The following CNTN1 variants were observed in gnomAD, a reference collection of about 807,000 sequenced individuals.
CNTN1 encodes contactin-1.
Under a neutral mutation model 126.4 loss-of-function variants are expected in CNTN1, and 38 were observed. The observed-to-expected ratio is 0.30, with a 90% CI of 0.23 to 0.39. The LOEUF (loss-of-function observed/expected upper bound fraction) is 0.39. Among genes scored for constraint, CNTN1 ranks in the 10% least tolerant of loss-of-function variants. CNTN1 has a pLI of 1.00. For synonymous variants in CNTN1, 413 were observed against 422.6 expected (o/e 0.98, Z 0.28); for missense variants, 1,009 against 1,248.4 (o/e 0.81, Z 2.89).
intron 1 of CNTN1, among the ~76,000 whole-genome samples, chr12:40,709,929 CACTA>C (rs1165112741): frequency 6.6e-6 from 1 of 152,162 alleles, no homozygotes; most frequent in Non-Finnish European, 1.5e-5. Flanking sequence ...TTTGTGTGTA[CACTA>C]AAGTAGTACT....
At chr12:41,019,618 G>A (rs1195320969) in intron 19 of CNTN1, among the ~76,000 whole-genome samples, 2 of 152,108 alleles carry the variant, frequency 1.3e-5, no homozygotes, top group African/African-American at 2.4e-5. Context: ...AATTTCATAA[G>A]GGATGTCAGT....
chr12:41,008,245 C>T (rs900495459), intron 17 of CNTN1, among the ~76,000 whole-genome samples: 4 of 151,986 alleles, frequency 2.6e-5, no homozygotes, highest in African/African-American at 4.8e-5. Flanking sequence ...AATGTTAGTT[C>T]GAATATGACT....
chr12:41,046,086 T>C (rs541959751), intron 23 of CNTN1, among the ~76,000 whole-genome samples: 34 of 152,208 alleles, frequency 2.2e-4, no homozygotes, highest in African/African-American at 8.2e-4. Flanking sequence ...TGCCTGAAAG[T>C]TGTGAATCTT....
At position 40,911,468 on chromosome 12, in the gene CNTN1, G is replaced by A. The variant is rs113397420; in HGVS notation, c.94+1363G>A. Among the ~76,000 whole-genome samples the A allele has an allele frequency of 4.3e-3, 651 of 152,290 alleles. 2 individuals carry two copies. The highest frequency in any genetic ancestry group is 0.015 in the African/African-American group (614 of 41,554). ...CCCTGATAAACCCATCAGGTCTTGT[G>A]AGACTTATTCACTAAGTATTTTTTA... On this transcript the variant is annotated intron_variant, in intron 3 of 23. Coordinates refer to ENST00000551295, the MANE Select transcript of CNTN1 (RefSeq NM_001843.4).
chr12:41,067,216 A>G (rs1222610555), intron 23 of CNTN1, among the ~76,000 whole-genome samples: 1 of 152,196 alleles, frequency 6.6e-6, no homozygotes, highest in African/African-American at 2.4e-5. Context: ...GAAATTAAAT[A>G]TAACACACGT....
rs143751223 is a variant in CNTN1 at position 40,885,219 on chromosome 12, C to T, written c.-76-23138C>T. ...GGCAAATTGCTTAACCTACATGACTCAGGTGTTTCATCCCTAAAATGGACA... is the reference window on the plus strand; with the variant it reads ...GGCAAATTGCTTAACCTACATGACTTAGGTGTTTCATCCCTAAAATGGACA... On this transcript the variant is annotated intron_variant, in intron 1 of 23. Transcript: ENST00000551295. Among the ~76,000 whole-genome samples, 19 of 151,874 alleles carry T rather than the reference C, an allele frequency of 1.3e-4. No homozygotes were observed. In the East Asian group the frequency reaches 3.7e-3, roughly 29 times the overall value.
At chr12:40,977,876 C>T (rs10879463) in intron 15 of CNTN1, among the ~76,000 whole-genome samples, 57,712 of 151,722 alleles carry the variant, frequency 0.38, 11,620 homozygotes, top group Non-Finnish European at 0.45. Flanking sequence ...AATCTTGGCT[C>T]GCTGCAACCT....
chr12:40,794,590 G>A (rs1666743151), intron 1 of CNTN1, among the ~76,000 whole-genome samples: 1 of 151,976 alleles, frequency 6.6e-6, no homozygotes, highest in Non-Finnish European at 1.5e-5. Context: ...ACATTATGGG[G>A]TTTTCAAAGT....
intron 1 of CNTN1, among the ~76,000 whole-genome samples, chr12:40,750,074 T>C (rs1007922500): frequency 6.6e-6 from 1 of 152,062 alleles, no homozygotes; most frequent in Admixed American, 6.6e-5. Context: ...AAGATAAGCC[T>C]GATTGAATTG....
chr12:41,010,923 C>A (rs1188115977), intron 17 of CNTN1, among the ~76,000 whole-genome samples: 1 of 151,382 alleles, frequency 6.6e-6, no homozygotes, highest in African/African-American at 2.4e-5. Context: ...TCCATTATTT[C>A]TTTGCCTTCC....
At chr12:40,795,570 C>T (rs11178423) in intron 1 of CNTN1, among the ~76,000 whole-genome samples, 42,217 of 150,232 alleles carry the variant, frequency 0.28, 5,996 homozygotes, top group East Asian at 0.43. Context: ...TCTGTTGGTT[C>T]TGAAAAATAC....
intron 1 of CNTN1, among the ~76,000 whole-genome samples, chr12:40,786,613 G>C (rs940297200): frequency 3.3e-5 from 5 of 152,108 alleles, no homozygotes; most frequent in African/African-American, 1.2e-4. Flanking sequence ...TTCAGAACTG[G>C]AAATCCAAGG....
At chr12:40,882,097 T>G (rs1288261336) in intron 1 of CNTN1, among the ~76,000 whole-genome samples, 2 of 151,714 alleles carry the variant, frequency 1.3e-5, no homozygotes, top group African/African-American at 4.8e-5. Flanking sequence ...CAGGGACTGA[T>G]AGGCAGAAGT....
At chr12:40,864,424 TTAATC>T (rs1178293438) in intron 1 of CNTN1, among the ~76,000 whole-genome samples, 1 of 152,126 alleles carries the variant, frequency 6.6e-6, no homozygotes, top group Admixed American at 6.6e-5. Flanking sequence ...TGTGCAATCA[TTAATC>T]TAATTTCAGA....
intron 14 of CNTN1, among the ~76,000 whole-genome samples, chr12:40,947,028 T>C (rs564961985): frequency 6.6e-6 from 1 of 152,174 alleles, no homozygotes; most frequent in South Asian, 2.1e-4. Context: ...TGTATATTTC[T>C]TTTAAGAGTT....
chr12:41,062,282 C>A (rs1187904488), intron 23 of CNTN1, among the ~76,000 whole-genome samples: 4 of 152,140 alleles, frequency 2.6e-5, no homozygotes, highest in African/African-American at 9.7e-5. Flanking sequence ...AAGACACCTC[C>A]TTTGTTAACA....
Position 41,071,863 on chromosome 12 carries a change from A to G in CNTN1, c.*1828A>G, listed in dbSNP as rs555339133. On this transcript the variant is annotated 3_prime_UTR_variant, in exon 24 of 24. Coordinates refer to ENST00000551295, the MANE Select transcript of CNTN1 (RefSeq NM_001843.4). ...TTTCATTGTTACACTTTGGGGTTTT[A>G]CTTTTGCAATGTGACCCATGTTGGG... 2.6e-5 allele frequency: 4 copies of G among 152,306 alleles called. No individual in the cohort carries two copies. In the South Asian group the frequency reaches 6.2e-4, roughly 24 times the overall value. 9.4% of individuals were successfully genotyped at this position (152,306 alleles called of 1,614,324 possible).
chr12:40,797,282 C>T (rs1309835235), intron 1 of CNTN1, among the ~76,000 whole-genome samples: 2 of 152,074 alleles, frequency 1.3e-5, no homozygotes, highest in African/African-American at 4.8e-5. Context: ...GTGAGTATCA[C>T]AGGACACCTA....
chr12:40,859,451 T>A (rs1178443283), intron 1 of CNTN1, among the ~76,000 whole-genome samples: 1 of 152,150 alleles, frequency 6.6e-6, no homozygotes, highest in Non-Finnish European at 1.5e-5. Flanking sequence ...TATCTGATCT[T>A]TTTATCACAA....
Sources: gnomAD v4.1 joint callset for allele counts (sites outside exome capture counted in the v4.1 genomes callset) on GRCh38, gnomAD v4.1.1 for gene constraint, MANE v1.5 for transcripts, NCBI Gene and HGNC (gene_info 2026-07-23, HGNC 2026-07-21) for gene names.